Variants in CADM2 observed in about 807,000 individuals in gnomAD.
CADM2 encodes the protein immunoglobulin superfamily member 4D.
CADM2 carries 12 observed loss-of-function variants against 49.8 expected under a neutral mutation model. That is an observed-to-expected ratio of 0.24 (90% CI 0.15 to 0.39). CADM2 has a LOEUF of 0.39. Ranked by LOEUF, CADM2 falls within the 10% of genes least tolerant of loss-of-function variation. CADM2 has a pLI of 1.00. For missense variants in CADM2, 378 were observed against 492.3 expected (o/e 0.77, Z 2.20); for synonymous variants, 214 against 175.4 (o/e 1.22, Z -1.74).
intron 8 of CADM2, among the ~76,000 whole-genome samples, chr3:86,025,733 T>C (rs189562709): frequency 6.4e-4 from 97 of 152,316 alleles, no homozygotes; most frequent in South Asian, 5.4e-3. Flanking sequence ...AATATGACTT[T>C]TATTGCACAA....
At chr3:85,885,775 T>C (rs940823734) in intron 4 of CADM2, among the ~76,000 whole-genome samples, 4 of 145,542 alleles carry the variant, frequency 2.7e-5, no homozygotes, top group African/African-American at 1.0e-4. Flanking sequence ...TCACTTGAAC[T>C]TGGGAGGCAA....
At chr3:85,134,084 C>G (rs2039333444) in intron 1 of CADM2, among the ~76,000 whole-genome samples, 1 of 152,240 alleles carries the variant, frequency 6.6e-6, no homozygotes, top group Non-Finnish European at 1.5e-5. Flanking sequence ...CCAGTACACC[C>G]TCCGCAGCCG....
chr3:86,059,475 T>C (rs1348623989), intron 8 of CADM2, among the ~76,000 whole-genome samples: 1 of 152,212 alleles, frequency 6.6e-6, no homozygotes, highest in Non-Finnish European at 1.5e-5. Context: ...ATGTTTACAA[T>C]ATCTTTTGTG....
intron 1 of CADM2, among the ~76,000 whole-genome samples, chr3:85,319,910 C>T (rs1305756834): frequency 6.6e-6 from 1 of 152,158 alleles, no homozygotes. Context: ...TACACATGTA[C>T]CCCTGAACCT....
At chr3:85,493,228 C>T (rs1453560831) in intron 1 of CADM2, among the ~76,000 whole-genome samples, 1 of 151,988 alleles carries the variant, frequency 6.6e-6, no homozygotes, top group Non-Finnish European at 1.5e-5. Context: ...TAAAGTTTTT[C>T]CAAATACATA....
At chr3:86,060,160 T>C (rs777600824) in intron 8 of CADM2, among the ~76,000 whole-genome samples, 27 of 151,424 alleles carry the variant, frequency 1.8e-4, no homozygotes, top group Non-Finnish European at 3.1e-4. Context: ...CTGAAAACAA[T>C]AATGAACATG....
At chr3:85,055,895 G>A (rs2036062344) in intron 1 of CADM2, among the ~76,000 whole-genome samples, 1 of 151,906 alleles carries the variant, frequency 6.6e-6, no homozygotes. Flanking sequence ...CTATGTTATT[G>A]ACATACTCTG....
rs1036607567 is a variant in CADM2 at position 85,475,209 on chromosome 3, T to G, written c.62-251313T>G. On this transcript the variant is annotated intron_variant, in intron 1 of 9. Transcript: ENST00000383699. ...AATGTTGGAATAGTGAGCATAAAAT[T>G]CATACAAATTAGATAATTGAGGTAC... Among the ~76,000 whole-genome samples, 7 of 151,910 alleles carry G rather than the reference T, an allele frequency of 4.6e-5. No individual in the cohort carries two copies. In the South Asian group the frequency reaches 8.3e-4, roughly 18 times the overall value.
intron 1 of CADM2, among the ~76,000 whole-genome samples, chr3:85,426,594 C>T (rs897021242): frequency 6.6e-6 from 1 of 151,926 alleles, no homozygotes; most frequent in African/African-American, 2.4e-5. Context: ...AATAGGGTAT[C>T]CATCCCCTCA....
intron 1 of CADM2, among the ~76,000 whole-genome samples, chr3:85,448,193 CGTG>C (rs2037561009): frequency 6.6e-6 from 1 of 151,792 alleles, no homozygotes; most frequent in Non-Finnish European, 1.5e-5. Context: ...ATTAGCCAGG[CGTG>C]GTGGCGGGCG....
chr3:85,153,743 A>G (rs957579023), intron 1 of CADM2, among the ~76,000 whole-genome samples: 2 of 152,122 alleles, frequency 1.3e-5, no homozygotes, highest in African/African-American at 4.8e-5. Flanking sequence ...TGGAGATCTG[A>G]GAACGGGCAG....
intron 1 of CADM2, among the ~76,000 whole-genome samples, chr3:85,598,994 A>G (rs143190578): frequency 6.6e-6 from 1 of 151,994 alleles, no homozygotes; most frequent in East Asian, 1.9e-4. Flanking sequence ...TTACTAATCA[A>G]ATCATTTATA....
chr3:85,880,099 G>A (rs975960114), intron 3 of CADM2, among the ~76,000 whole-genome samples: 9 of 152,118 alleles, frequency 5.9e-5, no homozygotes, highest in Admixed American at 2.0e-4. Context: ...AATGGATTCC[G>A]TCTTTATTTA....
chr3:85,309,447 G>C (rs1429742611), intron 1 of CADM2, among the ~76,000 whole-genome samples: 2 of 152,156 alleles, frequency 1.3e-5, no homozygotes, highest in Non-Finnish European at 1.5e-5. Context: ...TTCAATTTTT[G>C]CTTTTGAAAA....
chr3:85,630,244 C>T (rs1183440770), intron 1 of CADM2, among the ~76,000 whole-genome samples: 1 of 151,958 alleles, frequency 6.6e-6, no homozygotes, highest in East Asian at 1.9e-4. Flanking sequence ...CACCCCAGGT[C>T]TGTTTTCCCA....
intron 1 of CADM2, among the ~76,000 whole-genome samples, chr3:85,013,413 A>G (rs2034090986): frequency 1.3e-5 from 2 of 151,974 alleles, no homozygotes; most frequent in Non-Finnish European, 2.9e-5. Context: ...TACTTAAAAC[A>G]TTTTATTTTA....
intron 1 of CADM2, among the ~76,000 whole-genome samples, chr3:85,614,730 C>G (rs2063757330): frequency 6.6e-6 from 1 of 151,810 alleles, no homozygotes; most frequent in Non-Finnish European, 1.5e-5. Flanking sequence ...TACACACATG[C>G]AAACCTCTCA....
At chr3:85,372,382 T>C (rs2033303876) in intron 1 of CADM2, among the ~76,000 whole-genome samples, 1 of 149,626 alleles carries the variant, frequency 6.7e-6, no homozygotes, top group African/African-American at 2.5e-5. Context: ...TATGTGTGTG[T>C]GTATATATAG....
At chr3:85,572,399 T>C (rs891315894) in intron 1 of CADM2, among the ~76,000 whole-genome samples, 2 of 152,166 alleles carry the variant, frequency 1.3e-5, no homozygotes, top group Non-Finnish European at 1.5e-5. Flanking sequence ...CATACTTATA[T>C]GTAAATGCAT....
Sources: allele counts gnomAD v4.1 joint callset (sites outside exome capture counted in the v4.1 genomes callset), GRCh38; gene constraint gnomAD v4.1.1; transcripts MANE v1.5; gene names NCBI Gene and HGNC (gene_info 2026-07-23, HGNC 2026-07-21).